The following TMEM236 variants were observed in gnomAD, a reference collection of about 807,000 sequenced individuals.
The protein encoded by TMEM236 is family with sequence similarity 23, member A.
Under a neutral mutation model 14.7 loss-of-function variants are expected in TMEM236, and 11 were observed. That is an observed-to-expected ratio of 0.75 (90% confidence interval 0.47 to 1.24). The LOEUF (loss-of-function observed/expected upper bound fraction) is 1.24. Among genes scored for constraint, TMEM236 ranks in the 50% most tolerant of loss-of-function variants. TMEM236 has a pLI of 0.00. For missense variants in TMEM236, 464 were observed against 427.3 expected, an observed-to-expected ratio of 1.09 and a Z score of -0.76; for synonymous variants, 182 against 168.6, an observed-to-expected ratio of 1.08 and a Z score of -0.62.
At chr10:17,771,211 A>T (rs1837565924) in intron 1 of TMEM236, 98 bp from the exon 2 acceptor site, 4 of 1,096,252 alleles carry the variant, frequency 3.6e-6, no homozygotes, top group Non-Finnish European at 4.2e-6. Context: ...TAGAAAAACT[A>T]TAGATGAATG....
chr10:17,796,351 C>T lies in TMEM236; in HGVS notation c.903C>T (p.Phe301=), dbSNP rs1259221288. The change falls in exon 4 of 4, where the codon TTC becomes TTT. Residue 301 remains phenylalanine, a synonymous_variant. Transcript: ENST00000377495. ...GCGTCCTGCTGCAAGATTTACCATT[C>T]GTTTTTGTTAGACTTGGTTTAATCA... The part of the protein sequence containing the change: ...SLSVLLQDLP[F]VFVRLGLIIA... The T allele has an allele frequency of 3.7e-6, 6 of 1,613,818 alleles. No individual in the cohort carries two copies. Among genetic ancestry groups the T allele is most frequent in the African/African-American group, 1.3e-5 (1 of 74,912 alleles).
rs1838031279 is a variant in TMEM236, at chr10:17,797,216, A to C, written c.*712A>C. 6.6e-6 allele frequency: 1 copy of C among 152,154 alleles called. No homozygotes were observed. The highest frequency in any genetic ancestry group is 2.1e-4 in the South Asian group (1 of 4,832). 9.4% of individuals were successfully genotyped at this position (152,154 alleles called of 1,614,324 possible). On this transcript the variant is annotated 3_prime_UTR_variant, in exon 4 of 4. Transcript: ENST00000377495. ...AATAAGATTTTTATCTTTTATATAG[A>C]TAGCATTATATGAATTGATTGATTA...
intron 3 of TMEM236, among the ~76,000 whole-genome samples, chr10:17,785,917 C>G (rs556646740): frequency 8.5e-5 from 13 of 152,200 alleles, no homozygotes; most frequent in Non-Finnish European, 1.8e-4. Flanking sequence ...AATGAAGTGC[C>G]AGCTGTCTGG....
intron 1 of TMEM236, among the ~76,000 whole-genome samples, chr10:17,760,494 G>C (rs1013857014): frequency 6.6e-6 from 1 of 152,052 alleles, no homozygotes; most frequent in African/African-American, 2.4e-5. Flanking sequence ...TTTTACTTTG[G>C]TGTTTTTGAT....
intron 1 of TMEM236, among the ~76,000 whole-genome samples, chr10:17,769,613 G>A (rs1349280946): frequency 6.6e-6 from 1 of 152,192 alleles, no homozygotes; most frequent in Non-Finnish European, 1.5e-5. Context: ...AGAGAACTTA[G>A]TGTTGTAGGA....
chr10:17,777,551 C>T (rs967282518), intron 3 of TMEM236, among the ~76,000 whole-genome samples: 2 of 152,166 alleles, frequency 1.3e-5, no homozygotes, highest in Admixed American at 1.3e-4. Context: ...GCATCAGCCT[C>T]CTGAGTAGCT....
intron 3 of TMEM236, 79 bp from the exon 4 acceptor site, chr10:17,795,842 A>C: frequency 7.1e-7 from 1 of 1,408,034 alleles, no homozygotes; most frequent in Non-Finnish European, 9.9e-7. Context: ...CTTTAAATGG[A>C]ATTTTAAATT....
intron 3 of TMEM236, among the ~76,000 whole-genome samples, chr10:17,792,915 G>C (rs1837949884): frequency 1.3e-5 from 2 of 152,274 alleles, no homozygotes; most frequent in South Asian, 4.2e-4. Flanking sequence ...GGAGCTAAAG[G>C]GAATAGTATC....
intron 3 of TMEM236, among the ~76,000 whole-genome samples, chr10:17,776,595 G>T (rs1020831997): frequency 6.6e-6 from 1 of 152,128 alleles, no homozygotes; most frequent in Non-Finnish European, 1.5e-5. Flanking sequence ...AGATAATCAT[G>T]TGTTTTTAAT....
chr10:17,770,101 C>T (rs1837544260), intron 1 of TMEM236, among the ~76,000 whole-genome samples: 1 of 152,120 alleles, frequency 6.6e-6, no homozygotes, highest in Non-Finnish European at 1.5e-5. Context: ...GTTTTCTGTT[C>T]CTGAGTTAAT....
In TMEM236 at chr10:17,796,333, G is replaced by C; in HGVS notation, c.885G>C (p.Leu295=). The C allele has an allele frequency of 6.2e-7, 1 of 1,613,874 alleles. No homozygotes were observed. The highest frequency in any genetic ancestry group is 8.5e-7 in the Non-Finnish European group (1 of 1,179,852). Reference sequence around the variant, plus strand: ...CTCTTCTCAATTCCCTGAGCGTCCTGCTGCAAGATTTACCATTCGTTTTTG... The same window carrying C: ...CTCTTCTCAATTCCCTGAGCGTCCTCCTGCAAGATTTACCATTCGTTTTTG... ...QNPLLNSLSV[L]LQDLPFVFVR... Residue 295 remains leucine (L), a synonymous_variant, in exon 4 of 4, where the codon CTG becomes CTC. Transcript: ENST00000377495.
intron 3 of TMEM236, among the ~76,000 whole-genome samples, chr10:17,778,867 G>T (rs1554835274): frequency 1.3e-5 from 2 of 152,188 alleles, no homozygotes; most frequent in African/African-American, 4.8e-5. Context: ...GCTTAAAGCA[G>T]TCTTCACCGG....
chr10:17,786,256 G>T (rs1837835941), intron 3 of TMEM236, among the ~76,000 whole-genome samples: 1 of 152,100 alleles, frequency 6.6e-6, no homozygotes, highest in Admixed American at 6.5e-5. Flanking sequence ...TATTATTATG[G>T]ACCAGTTTGA....
chr10:17,790,075 A>G (rs1248083030), intron 3 of TMEM236, among the ~76,000 whole-genome samples: 1 of 151,972 alleles, frequency 6.6e-6, no homozygotes, highest in African/African-American at 2.4e-5. Context: ...AAACAAAACA[A>G]AAAAATGAGC....
At chr10:17,766,129 G>T (rs1837458857) in intron 1 of TMEM236, among the ~76,000 whole-genome samples, 1 of 152,186 alleles carries the variant, frequency 6.6e-6, no homozygotes, top group Non-Finnish European at 1.5e-5. Flanking sequence ...TCAAGTTCTA[G>T]TTCCTTTTTG....
At chr10:17,770,466 C>T (rs537288728) in intron 1 of TMEM236, among the ~76,000 whole-genome samples, 1 of 152,242 alleles carries the variant, frequency 6.6e-6, no homozygotes, top group South Asian at 2.1e-4. Flanking sequence ...TCACTGCAAG[C>T]TCTGCCTCCC....
intron 3 of TMEM236, among the ~76,000 whole-genome samples, chr10:17,782,468 AT>A (rs1181454781): frequency 6.6e-6 from 1 of 151,168 alleles, no homozygotes; most frequent in Admixed American, 6.6e-5. Context: ...ATTTTGTTTC[AT>A]TTTGAGACAG....
intron 1 of TMEM236, among the ~76,000 whole-genome samples, chr10:17,754,802 A>C (rs1837259642): frequency 1.3e-5 from 2 of 152,230 alleles, no homozygotes; most frequent in Non-Finnish European, 2.9e-5. Context: ...TATTGAGAAC[A>C]AATAGTCTCT....
At chr10:17,771,002 C>T (rs1172461452) in intron 1 of TMEM236, among the ~76,000 whole-genome samples, 1 of 152,116 alleles carries the variant, frequency 6.6e-6, no homozygotes, top group African/African-American at 2.4e-5. Flanking sequence ...ACCTCTTGGG[C>T]AGGATTTTAA....
Sources: allele counts gnomAD v4.1 joint callset (sites outside exome capture counted in the v4.1 genomes callset), GRCh38; gene constraint gnomAD v4.1.1; transcripts MANE v1.5; gene names NCBI Gene and HGNC (gene_info 2026-07-23, HGNC 2026-07-21).